SCML4: variants seen among roughly 807,000 people sequenced by gnomAD.
SCML4 encodes the protein sex comb on midleg-like protein 4.
A neutral mutation model predicts 41.1 loss-of-function variants in SCML4; 34 were observed. The ratio of observed to expected loss-of-function variants is 0.83; its 90% CI spans 0.63 to 1.10. SCML4 has a LOEUF of 1.10. Ranked by LOEUF, SCML4 falls within the 50% of genes least tolerant of loss-of-function variation. The pLI is 0.00. For synonymous variants in SCML4, 214 were observed against 220.9 expected, an observed-to-expected ratio of 0.97 and a Z score of 0.28; for missense variants, 522 against 534.1, an observed-to-expected ratio of 0.98 and a Z score of 0.22.
intron 4 of SCML4, 52 bp downstream of exon 4, chr6:107,746,637 C>T (rs1182403872): frequency 2.0e-5 from 31 of 1,524,732 alleles, no homozygotes; most frequent in Non-Finnish European, 2.5e-5. Context: ...TGGCTGCTTC[C>T]TCTGCAGAGA....
At chr6:107,784,615 T>C (rs1781743407) in intron 1 of SCML4, among the ~76,000 whole-genome samples, 1 of 152,234 alleles carries the variant, frequency 6.6e-6, no homozygotes, top group African/African-American at 2.4e-5. Flanking sequence ...TTTTTTTCTC[T>C]GCATACTCTT....
intron 2 of SCML4, among the ~76,000 whole-genome samples, chr6:107,753,123 A>C (rs1778824146): frequency 6.6e-6 from 1 of 152,166 alleles, no homozygotes; most frequent in Admixed American, 6.6e-5. Flanking sequence ...GTTAAGATAG[A>C]TACTATTAAA....
intron 1 of SCML4, among the ~76,000 whole-genome samples, chr6:107,793,639 T>C (rs6568499): frequency 0.99 from 150,625 of 152,324 alleles, 74,495 homozygotes; most frequent in Middle Eastern, 1. Context: ...TTGGTAAGGA[T>C]ATTACAGCCT....
intron 7 of SCML4, among the ~76,000 whole-genome samples, chr6:107,707,508 T>C (rs1773772139): frequency 6.6e-6 from 1 of 152,112 alleles, no homozygotes; most frequent in South Asian, 2.1e-4. Context: ...CTCGAAGTGG[T>C]TTAGGAACAG....
intron 2 of SCML4, among the ~76,000 whole-genome samples, chr6:107,764,208 C>T (rs185467216): frequency 1.9e-4 from 29 of 152,306 alleles, no homozygotes. Flanking sequence ...GTAACTGGGT[C>T]TACTCGTACA....
intron 7 of SCML4, among the ~76,000 whole-genome samples, chr6:107,707,127 C>A (rs1231963900): frequency 6.6e-6 from 1 of 152,116 alleles, no homozygotes; most frequent in African/African-American, 2.4e-5. Context: ...ATGGTGAAAC[C>A]CAGTCTCTAC....
rs756523842 is a variant in SCML4, at chr6:107,720,648, G to A, written c.973+55C>T. On this transcript the variant is annotated intron_variant, in intron 6 of 7. Coordinates refer to ENST00000369020, the MANE Select transcript of SCML4 (RefSeq NM_198081.5). The stretch of plus-strand genomic sequence containing the variant: ...CCCTTCCCCAGATGCTGTGCTCCCC[G>A]CGCAAGGGCAAGGGATGTTAAGTCA... The A allele has an allele frequency of 1.2e-5, 18 of 1,464,734 alleles. No individual in the cohort carries two copies. In the South Asian group the frequency reaches 1.5e-4, roughly 12 times the overall value. The allele number at this position is 1,464,734 out of a possible 1,614,324, so 90.7% of individuals were successfully genotyped here. A position where few individuals can be genotyped will look rare whatever the true frequency, so the allele number is the denominator to read the frequency against.
At position 107,768,115 on chromosome 6, in the gene SCML4, A is replaced by AG. The variant is rs1410813060; in HGVS notation, c.156+4056dup. On this transcript the variant is annotated intron_variant, in intron 2 of 7. Transcript: ENST00000369020. ...ATCTGTACAAAAAAAAAAAAAAAAA[A>AG]GTAAAAAAGTAGCCAGGCATGGTGA... 1.8e-3 allele frequency among the ~76,000 whole-genome samples: 267 copies of AG among 149,982 alleles called. 2 individuals are homozygous for AG. Among genetic ancestry groups the AG allele is most frequent in the Non-Finnish European group, 2.5e-3 (170 of 67,312 alleles).
the SCML4 span, among the ~76,000 whole-genome samples, chr6:107,833,893 G>T: frequency 6.6e-6 from 1 of 152,150 alleles, no homozygotes; most frequent in Non-Finnish European, 1.5e-5. Context: ...CTGAAACAGG[G>T]ATGCTAAGAC....
chr6:107,802,657 TCCTCTC>T (rs376483560), intron 1 of SCML4, among the ~76,000 whole-genome samples: 19,461 of 90,884 alleles, frequency 0.21, 2,859 homozygotes, highest in South Asian at 0.33. Flanking sequence ...GAAAGGCTCC[TCCTCTC>T]CCTCTCCCTC....
chr6:107,717,476 G>A lies in SCML4; in HGVS notation c.973+3227C>T, dbSNP rs6940607. Among the ~76,000 whole-genome samples, 343 of 152,256 alleles carry A rather than the reference G, an allele frequency of 2.3e-3. 4 individuals carry two copies. Among genetic ancestry groups the A allele is most frequent in the African/African-American group, 7.8e-3 (323 of 41,518 alleles). ...GCGATTTTAAACATCCCACAGTCCC[G>A]TGGTGGGGGTCCTGCTGATTATGGA... On this transcript the variant is annotated intron_variant, in intron 6 of 7. Coordinates refer to ENST00000369020, the MANE Select transcript of SCML4 (RefSeq NM_198081.5).
At chr6:107,759,132 C>CAAAAAAAAAAAAAAAAAAAA (rs60124415) in intron 2 of SCML4, among the ~76,000 whole-genome samples, 1 of 88,220 alleles carries the variant, frequency 1.1e-5, no homozygotes, top group Non-Finnish European at 2.1e-5. Flanking sequence ...ACAAAAAATA[C>CAAAAAAAAAAAAAAAAAAAA]AAAAAAAAAA....
intron 5 of SCML4, among the ~76,000 whole-genome samples, chr6:107,730,160 G>A (rs1005396050): frequency 1.3e-5 from 2 of 152,172 alleles, no homozygotes; most frequent in South Asian, 4.1e-4. Flanking sequence ...AATATTTAAA[G>A]TCAGTAAAAA....
In SCML4 at chr6:107,781,097, T is replaced by C. The variant is rs538224449; in HGVS notation, c.-59-8711A>G. 7.9e-5 allele frequency among the ~76,000 whole-genome samples: 12 copies of C among 152,226 alleles called. No individual in the cohort carries two copies. In the South Asian group the frequency reaches 2.5e-3, roughly 32 times the overall value. ...AAGTATAGGAGAGCTTACGTATAGG[T>C]ATTTTGTTCTGTTGAGTACTGATAT... On this transcript the variant is annotated intron_variant, in intron 1 of 7. Coordinates refer to ENST00000369020, the MANE Select transcript of SCML4 (RefSeq NM_198081.5).
intron 5 of SCML4, among the ~76,000 whole-genome samples, chr6:107,723,771 G>A (rs1373417736): frequency 6.6e-6 from 1 of 152,136 alleles, no homozygotes; most frequent in African/African-American, 2.4e-5. Flanking sequence ...AAGAATAGAA[G>A]GGGGTGGAAT....
rs1214484141 is a variant in SCML4, at chr6:107,707,969, C to T, written c.1016G>A (p.Arg339Gln). The T allele has an allele frequency of 1.2e-5, 18 of 1,551,538 alleles. 1 individual carries two copies. Among genetic ancestry groups the T allele is most frequent in the East Asian group, 4.9e-5 (2 of 40,898 alleles). ...AGTCCAGGCGGAGGGGTTCCTGCTC[C>T]GTGGCCGCCTGGCATCCTGCGCATC... Reference protein sequence around the residue: ...SQDAQDARRPRSRNPSAWTVE... With the variant: ...SQDAQDARRPQSRNPSAWTVE... Residue 339 changes from arginine to glutamine, a missense_variant, in exon 7 of 8, where the codon CGG (arginine) becomes CAG (glutamine). Transcript: ENST00000369020.
intron 1 of SCML4, among the ~76,000 whole-genome samples, chr6:107,792,647 G>A (rs935924431): frequency 1.3e-5 from 2 of 151,544 alleles, no homozygotes; most frequent in East Asian, 1.9e-4. Context: ...CAGGAGAATC[G>A]CTACAATCTG....
chr6:107,784,644 G>A (rs1028277145), intron 1 of SCML4, among the ~76,000 whole-genome samples: 2 of 152,170 alleles, frequency 1.3e-5, no homozygotes, highest in African/African-American at 4.8e-5. Flanking sequence ...TTTGAATGTT[G>A]TATATTTTTA....
chr6:107,747,480 TG>T (rs904159900), intron 3 of SCML4, among the ~76,000 whole-genome samples: 1 of 151,844 alleles, frequency 6.6e-6, no homozygotes, highest in African/African-American at 2.4e-5. Context: ...GATAAAAAAT[TG>T]GGGGGGCACC....
Sources: gnomAD v4.1 joint callset for allele counts (sites outside exome capture counted in the v4.1 genomes callset) on GRCh38, gnomAD v4.1.1 for gene constraint, MANE v1.5 for transcripts, NCBI Gene and HGNC (gene_info 2026-07-23, HGNC 2026-07-21) for gene names.